Variants in TPRX1 observed in about 807,000 individuals in gnomAD.
The protein encoded by TPRX1 is tetra-peptide repeat homeobox protein 1.
Under a neutral mutation model 8.1 loss-of-function variants are expected in TPRX1, and 2 were observed. The ratio of observed to expected loss-of-function variants is 0.25; its 90% confidence interval spans 0.10 to 0.78. The LOEUF is 0.78. TPRX1 is among the 30% of genes least tolerant of loss of function. The pLI is 0.70. For synonymous variants in TPRX1, 257 were observed against 254.1 expected (o/e 1.01, Z -0.11); for missense variants, 517 against 586.9 (o/e 0.88, Z 1.23).
chr19:47,814,171 C>G (rs997278439), intron 2 of TPRX1, among the ~76,000 whole-genome samples: 1 of 151,638 alleles, frequency 6.6e-6, no homozygotes, highest in Non-Finnish European at 1.5e-5. Context: ...ATTCTCCTGT[C>G]TCAGCCTCCC....
intron 2 of TPRX1, among the ~76,000 whole-genome samples, chr19:47,807,604 C>G (rs913094037): frequency 6.6e-6 from 1 of 152,146 alleles, no homozygotes; most frequent in African/African-American, 2.4e-5. Context: ...AACTCCTGGC[C>G]TCAAGTAATT....
chr19:47,802,265 C>T (rs556692931), exon 4 of TPRX1: 1 of 1,568,242 alleles, frequency 6.4e-7, no homozygotes, highest in African/African-American at 1.4e-5. Context: ...TGGGATCAGG[C>T]CTGGGTTCGG....
rs548380113 is a variant in TPRX1 at position 47,815,114 on chromosome 19, TTATATATA to T, written c.151+3346_151+3353del. On this transcript the variant is annotated intron_variant, in intron 2 of 3. Transcript: ENST00000535759. ...GTGCTTAGCTCAATAAATAGATAAA[TTATATATA>T]TATATATATATATATATATATGCAA... Among the ~76,000 whole-genome samples the T allele has an allele frequency of 3.9e-4, 25 of 63,372 alleles. 1 individual carries two copies. The highest frequency in any genetic ancestry group is 1.2e-3 in the Admixed American group (5 of 4,202). The allele number at this position is 63,372 out of a possible 152,430, so 41.6% of individuals were successfully genotyped here.
At chr19:47,805,378 C>T (rs1482621985) in intron 2 of TPRX1, among the ~76,000 whole-genome samples, 1 of 152,114 alleles carries the variant, frequency 6.6e-6, no homozygotes, top group African/African-American at 2.4e-5. Context: ...TGCTGGTCTG[C>T]CCTTGTGAGT....
intron 2 of TPRX1, among the ~76,000 whole-genome samples, chr19:47,811,211 C>T (rs1967779609): frequency 6.6e-6 from 1 of 151,696 alleles, no homozygotes; most frequent in African/African-American, 2.4e-5. Flanking sequence ...ACCATGTTGG[C>T]CAGGATGGTC....
At chr19:47,811,386 G>A (rs567271761) in intron 2 of TPRX1, among the ~76,000 whole-genome samples, 6 of 152,078 alleles carry the variant, frequency 3.9e-5, no homozygotes, top group Admixed American at 2.0e-4. Flanking sequence ...ACCAGGGTGA[G>A]GTATTGATCG....
chr19:47,806,900 C>T (rs747222744), intron 2 of TPRX1, among the ~76,000 whole-genome samples: 11 of 151,392 alleles, frequency 7.3e-5, no homozygotes, highest in Non-Finnish European at 7.4e-5. Context: ...AGACTAAAGA[C>T]GATTTAATTT....
At chr19:47,817,617 G>A (rs902071729) in intron 2 of TPRX1, among the ~76,000 whole-genome samples, 3 of 152,162 alleles carry the variant, frequency 2.0e-5, no homozygotes, top group Non-Finnish European at 2.9e-5. Flanking sequence ...CCCGAGCCCC[G>A]CTCTTCACCC....
intron 2 of TPRX1, among the ~76,000 whole-genome samples, chr19:47,808,062 T>A (rs896715924): frequency 3.3e-5 from 5 of 152,118 alleles, no homozygotes; most frequent in Non-Finnish European, 7.4e-5. Flanking sequence ...CCTGAGTAGG[T>A]GGGACTACAG....
chr19:47,801,552 A>T, exon 4 of TPRX1: 1 of 529,818 alleles, frequency 1.9e-6, no homozygotes, highest in Non-Finnish European at 3.2e-6. Flanking sequence ...CCCAGTGAGC[A>T]GCGACTCCAA....
At chr19:47,802,544 G>T in exon 4 of TPRX1, 2 of 1,550,792 alleles carry the variant, frequency 1.3e-6, no homozygotes, top group Non-Finnish European at 1.7e-6. Flanking sequence ...GCCTGAAATT[G>T]GGCCTGGGAT....
intron 2 of TPRX1, among the ~76,000 whole-genome samples, chr19:47,818,258 TCCATCCATC>T (rs1967863563): frequency 3.5e-5 from 5 of 144,486 alleles, no homozygotes; most frequent in African/African-American, 5.6e-5. Flanking sequence ...CATCCATCCA[TCCATCCATC>T]CATCCATCCA....
At chr19:47,815,163 T>TATATGCAAATATATATATATATATA (rs201060804) in intron 2 of TPRX1, among the ~76,000 whole-genome samples, 1 of 86,290 alleles carries the variant, frequency 1.2e-5, no homozygotes, top group African/African-American at 5.6e-5. Context: ...TATATATATA[T>TATATGCAAATATATATATATATATA]TTTTTTTTTT....
chr19:47,802,869 G>A, exon 4 of TPRX1: 1 of 1,597,772 alleles, frequency 6.3e-7, no homozygotes, highest in East Asian at 2.2e-5. Flanking sequence ...GAGGCTGCAG[G>A]GACTAGGGGC....
At chr19:47,815,646 C>CAAAAAAAA (rs34265596) in intron 2 of TPRX1, among the ~76,000 whole-genome samples, 10 of 60,278 alleles carry the variant, frequency 1.7e-4, no homozygotes, top group Admixed American at 1.2e-3. Context: ...CCCGTCTCTA[C>CAAAAAAAA]AAAAAAAAAA....
chr19:47,801,541 T>G, exon 4 of TPRX1: 2 of 498,644 alleles, frequency 4.0e-6, no homozygotes, highest in East Asian at 3.4e-5. Context: ...ATGCCAGATA[T>G]CCCAGTGAGC....
intron 2 of TPRX1, among the ~76,000 whole-genome samples, chr19:47,811,484 T>C (rs1967781934): frequency 6.7e-6 from 1 of 149,176 alleles, no homozygotes; most frequent in African/African-American, 2.5e-5. Context: ...GCTGAGACCA[T>C]GTTCATGGCA....
intron 2 of TPRX1, among the ~76,000 whole-genome samples, chr19:47,811,719 G>A (rs952129783): frequency 1.3e-5 from 2 of 151,426 alleles, no homozygotes; most frequent in Non-Finnish European, 1.5e-5. Flanking sequence ...GGCTGGTCTC[G>A]AACTTCTGAC....
At chr19:47,808,685 A>G (rs925565925) in intron 2 of TPRX1, among the ~76,000 whole-genome samples, 1 of 150,018 alleles carries the variant, frequency 6.7e-6, no homozygotes, top group Non-Finnish European at 1.5e-5. Flanking sequence ...TGAACTCCTG[A>G]CCTCAAGTGA....
Sources: gnomAD v4.1 joint callset for allele counts (sites outside exome capture counted in the v4.1 genomes callset) on GRCh38, gnomAD v4.1.1 for gene constraint, MANE v1.5 for transcripts, NCBI Gene and HGNC (gene_info 2026-07-23, HGNC 2026-07-21) for gene names.